Variants in SYT1 observed in about 807,000 individuals in gnomAD.
SYT1 encodes the protein synaptotagmin 1, also known as synaptotagmin-1.
SYT1 carries 8 observed loss-of-function variants against 44.8 expected under a neutral mutation model. That is an observed-to-expected ratio of 0.18 (90% CI 0.10 to 0.32). SYT1 has a LOEUF of 0.32. Ranked by LOEUF, SYT1 falls within the 10% of genes least tolerant of loss-of-function variation. The probability of loss-of-function intolerance (pLI) is 1.00; values close to 1 mark genes in which losing one functional copy is unlikely to be tolerated. For synonymous variants in SYT1, 154 were observed against 188.8 expected, an observed-to-expected ratio of 0.82 and a Z score of 1.51; for missense variants, 286 against 509.3, an observed-to-expected ratio of 0.56 and a Z score of 4.22.
intron 8 of SYT1, among the ~76,000 whole-genome samples, chr12:79,335,110 G>T (rs1383417986): frequency 6.6e-6 from 1 of 152,056 alleles, no homozygotes; most frequent in Admixed American, 6.6e-5. Context: ...ATAGTAAAGT[G>T]CTTGTGCTTA....
intron 3 of SYT1, among the ~76,000 whole-genome samples, chr12:79,179,848 T>C (rs1040944609): frequency 6.6e-6 from 1 of 152,092 alleles, no homozygotes; most frequent in Non-Finnish European, 1.5e-5. Context: ...CAATGTATAT[T>C]GAAACTAACT....
chr12:78,892,939 A>G (rs1875137625), intron 1 of SYT1, among the ~76,000 whole-genome samples: 1 of 151,854 alleles, frequency 6.6e-6, no homozygotes, highest in Admixed American at 6.6e-5. Context: ...AAAAATTAGG[A>G]TGTATAAGTA....
chr12:79,130,683 C>G (rs368105553), intron 3 of SYT1, among the ~76,000 whole-genome samples: 3 of 152,076 alleles, frequency 2.0e-5, no homozygotes, highest in African/African-American at 2.4e-5. Context: ...CATAATTACC[C>G]GCATGGGATT....
chr12:78,887,402 G>A (rs541047453), intron 1 of SYT1, among the ~76,000 whole-genome samples: 1 of 152,042 alleles, frequency 6.6e-6, no homozygotes, highest in East Asian at 2.0e-4. Flanking sequence ...CCAAAGAGAA[G>A]CCATAAAGTG....
chr12:79,309,102 G>A (rs868770724), intron 8 of SYT1, among the ~76,000 whole-genome samples: 2 of 152,202 alleles, frequency 1.3e-5, no homozygotes, highest in Non-Finnish European at 2.9e-5. Flanking sequence ...AAACTGGAGG[G>A]TGTCCTGGCT....
At chr12:79,243,105 G>A (rs1876610075) in intron 4 of SYT1, among the ~76,000 whole-genome samples, 1 of 90,036 alleles carries the variant, frequency 1.1e-5, no homozygotes, top group African/African-American at 4.7e-5. Flanking sequence ...ACACTATCAT[G>A]AGAACAGCAG....
chr12:79,304,284 T>C (rs1391124678), intron 8 of SYT1, among the ~76,000 whole-genome samples: 1 of 152,228 alleles, frequency 6.6e-6, no homozygotes, highest in Non-Finnish European at 1.5e-5. Context: ...CCAAACGCCC[T>C]TTTTAAAGTC....
At chr12:79,063,130 A>G (rs899481726) in intron 3 of SYT1, among the ~76,000 whole-genome samples, 2 of 152,118 alleles carry the variant, frequency 1.3e-5, no homozygotes, top group South Asian at 2.1e-4. Flanking sequence ...TTTGCATTTC[A>G]CCTTAATCTT....
chr12:79,293,029 C>T (rs546031868), intron 6 of SYT1, among the ~76,000 whole-genome samples: 32 of 151,820 alleles, frequency 2.1e-4, no homozygotes, highest in Middle Eastern at 3.4e-3. Flanking sequence ...ATCTGTAAGA[C>T]AGGCAGGGTG....
chr12:78,888,992 C>G (rs527886360), intron 1 of SYT1, among the ~76,000 whole-genome samples: 1 of 151,998 alleles, frequency 6.6e-6, no homozygotes, highest in African/African-American at 2.4e-5. Context: ...CTTTTCTTTG[C>G]TCCGAAACCC....
At chr12:78,930,297 C>T (rs766490196) in intron 1 of SYT1, among the ~76,000 whole-genome samples, 2 of 151,762 alleles carry the variant, frequency 1.3e-5, no homozygotes, top group Non-Finnish European at 2.9e-5. Context: ...TATTAATTGT[C>T]ATTTAAAAAT....
chr12:79,260,221 C>T (rs1443791891), intron 4 of SYT1, among the ~76,000 whole-genome samples: 1 of 152,090 alleles, frequency 6.6e-6, no homozygotes, highest in East Asian at 1.9e-4. Context: ...ATAATGCAGA[C>T]GGTCTTTATA....
intron 2 of SYT1, among the ~76,000 whole-genome samples, chr12:79,034,373 T>C (rs1032295926): frequency 6.6e-6 from 1 of 151,668 alleles, no homozygotes; most frequent in East Asian, 1.9e-4. Flanking sequence ...AATATGAAGG[T>C]AATATATCTA....
At chr12:79,173,854 C>A (rs965041012) in intron 3 of SYT1, among the ~76,000 whole-genome samples, 1 of 152,000 alleles carries the variant, frequency 6.6e-6, no homozygotes, top group African/African-American at 2.4e-5. Flanking sequence ...ATAAGGCAGA[C>A]ATCATAAAGT....
intron 1 of SYT1, among the ~76,000 whole-genome samples, chr12:78,875,904 A>G (rs529443242): frequency 8.6e-5 from 13 of 151,688 alleles, no homozygotes; most frequent in African/African-American, 2.9e-4. Flanking sequence ...CACTTTCTAC[A>G]TATCTTCCGT....
At chr12:79,288,635 T>C (rs1239802626) in intron 5 of SYT1, among the ~76,000 whole-genome samples, 1 of 152,204 alleles carries the variant, frequency 6.6e-6, no homozygotes, top group Non-Finnish European at 1.5e-5. Flanking sequence ...TTGCATAAGA[T>C]ATATATTTAT....
At position 79,342,232 on chromosome 12, in the gene SYT1, T is replaced by C. The variant is rs146671552; in HGVS notation, c.811-11270T>C. On this transcript the variant is annotated intron_variant, in intron 8 of 10. Coordinates refer to ENST00000261205, the MANE Select transcript of SYT1 (RefSeq NM_005639.3). Reference sequence around the variant, plus strand: ...CTTAAGGATTTTAAGATTTGGTTTTTTGATGTTTTGTTTTTTAGAGACAGG... The same window carrying C: ...CTTAAGGATTTTAAGATTTGGTTTTCTGATGTTTTGTTTTTTAGAGACAGG... Among the ~76,000 whole-genome samples, 108 of 152,100 alleles carry C rather than the reference T, an allele frequency of 7.1e-4. 2 individuals carry two copies. The East Asian group carries it at 0.019, about 26-fold the overall frequency.
At chr12:79,181,766 A>G (rs1263184330) in intron 3 of SYT1, among the ~76,000 whole-genome samples, 1 of 151,908 alleles carries the variant, frequency 6.6e-6, no homozygotes, top group Non-Finnish European at 1.5e-5. Flanking sequence ...CAATGCCCCT[A>G]ATCCCTTCTC....
intron 1 of SYT1, among the ~76,000 whole-genome samples, chr12:78,968,451 A>G (rs374687227): frequency 1.3e-5 from 2 of 152,018 alleles, no homozygotes; most frequent in East Asian, 3.9e-4. Flanking sequence ...AGCAATGCCC[A>G]AGGGAACAAG....
Sources: allele counts gnomAD v4.1 joint callset (sites outside exome capture counted in the v4.1 genomes callset), GRCh38; gene constraint gnomAD v4.1.1; transcripts MANE v1.5; gene names NCBI Gene and HGNC (gene_info 2026-07-23, HGNC 2026-07-21).